Variants in NTRK3 observed in about 807,000 individuals in gnomAD.
The protein encoded by NTRK3 is neurotrophic receptor tyrosine kinase 3, also known as NT-3 growth factor receptor.
In NTRK3, 24 loss-of-function variants were observed where a neutral mutation model predicts 91.7. The ratio of observed to expected loss-of-function variants is 0.26; its 90% confidence interval spans 0.19 to 0.37. NTRK3 has a LOEUF of 0.37. Among genes scored for constraint, NTRK3 ranks in the 10% least tolerant of loss-of-function variants. NTRK3 has a pLI of 1.00. For synonymous variants in NTRK3, 483 were observed against 404.0 expected, an observed-to-expected ratio of 1.20 and a Z score of -2.34; for missense variants, 880 against 1,068.9, an observed-to-expected ratio of 0.82 and a Z score of 2.46.
At chr15:88,135,110 G>A in exon 10 of NTRK3, 1 of 1,614,232 alleles carries the variant, frequency 6.2e-7, no homozygotes, top group Non-Finnish European at 8.5e-7. Context: ...CCTGGAAAGG[G>A]CTCCTTGAGG....
intron 13 of NTRK3, among the ~76,000 whole-genome samples, chr15:88,048,753 A>G (rs2080496253): frequency 1.3e-5 from 2 of 152,224 alleles, no homozygotes; most frequent in Admixed American, 6.5e-5. Context: ...GGATTATTAA[A>G]ATGAAAATCA....
intron 13 of NTRK3, among the ~76,000 whole-genome samples, chr15:88,106,862 G>A (rs533278276): frequency 6.6e-6 from 1 of 151,900 alleles, no homozygotes; most frequent in Non-Finnish European, 1.5e-5. Flanking sequence ...GAACCTGGGA[G>A]GTGGAGGTTG....
intron 3 of NTRK3, among the ~76,000 whole-genome samples, chr15:88,247,120 C>G (rs986671457): frequency 6.6e-6 from 1 of 152,224 alleles, no homozygotes; most frequent in African/African-American, 2.4e-5. Flanking sequence ...CCAAGACTCC[C>G]CCAGATACAC....
chr15:88,027,234 T>G (rs1264499948), intron 14 of NTRK3, among the ~76,000 whole-genome samples: 1 of 152,132 alleles, frequency 6.6e-6, no homozygotes, highest in East Asian at 1.9e-4. Flanking sequence ...TCTCAGTTTC[T>G]TTAGCTATAA....
intron 13 of NTRK3, among the ~76,000 whole-genome samples, chr15:88,121,635 C>G (rs1046178302): frequency 6.6e-6 from 1 of 152,146 alleles, no homozygotes; most frequent in Non-Finnish European, 1.5e-5. Context: ...ATAGCCCATG[C>G]CCTGAACCCC....
intron 13 of NTRK3, among the ~76,000 whole-genome samples, chr15:88,120,602 G>A (rs1188776750): frequency 6.6e-6 from 1 of 152,092 alleles, no homozygotes; most frequent in Non-Finnish European, 1.5e-5. Flanking sequence ...AATGAAGGAA[G>A]TTCTTGGAGC....
chr15:87,919,083 G>A (rs531056600), intron 17 of NTRK3, among the ~76,000 whole-genome samples: 2 of 149,674 alleles, frequency 1.3e-5, no homozygotes, highest in African/African-American at 2.5e-5. Context: ...TGCTATTGGT[G>A]TGGCCAGTAC....
At chr15:88,249,566 T>C (rs1366321279) in intron 3 of NTRK3, among the ~76,000 whole-genome samples, 1 of 152,000 alleles carries the variant, frequency 6.6e-6, no homozygotes, top group Non-Finnish European at 1.5e-5. Flanking sequence ...ATGGGTGACA[T>C]GAGGGAGAAG....
chr15:87,928,685 T>C (rs1174113755), intron 17 of NTRK3: 1 of 203,726 alleles, frequency 4.9e-6, no homozygotes, highest in East Asian at 1.2e-4. Context: ...ATATTAGCCA[T>C]CTTTGTTACT....
At chr15:88,088,142 G>A (rs2048677008) in intron 13 of NTRK3, among the ~76,000 whole-genome samples, 1 of 152,164 alleles carries the variant, frequency 6.6e-6, no homozygotes, top group Admixed American at 6.5e-5. Flanking sequence ...CAAGCTGTGA[G>A]ATCTTGAATA....
At chr15:88,147,874 T>G (rs1223788758) in intron 5 of NTRK3, among the ~76,000 whole-genome samples, 17 of 152,150 alleles carry the variant, frequency 1.1e-4, no homozygotes, top group Admixed American at 1.1e-3. Flanking sequence ...CCACCAATGA[T>G]CAAGACATCA....
intron 14 of NTRK3, among the ~76,000 whole-genome samples, chr15:88,004,967 G>T (rs570802672): frequency 2.0e-5 from 3 of 152,254 alleles, no homozygotes; most frequent in Admixed American, 2.0e-4. Context: ...TAGCAAAGTG[G>T]TATTTATTAT....
chr15:87,922,539 C>T (rs2067962190), intron 17 of NTRK3, among the ~76,000 whole-genome samples: 1 of 152,146 alleles, frequency 6.6e-6, no homozygotes. Flanking sequence ...TTAGGATCCT[C>T]TTAAAAGCCC....
At chr15:88,190,526 C>T (rs959480930) in intron 3 of NTRK3, among the ~76,000 whole-genome samples, 17 of 152,316 alleles carry the variant, frequency 1.1e-4, no homozygotes, top group African/African-American at 3.4e-4. Context: ...CCTATTCCAA[C>T]GGTTATCGCA....
rs184863833 is a variant in NTRK3 at position 88,034,574 on chromosome 15, T to C, written c.1397-1529A>G. 2.0e-4 allele frequency among the ~76,000 whole-genome samples: 30 copies of C among 152,356 alleles called. No individual in the cohort carries two copies. The East Asian group carries it at 5.6e-3, about 28-fold the overall frequency. ...ACACACAGGCCCCAGACAAAGTGCC[T>C]GCTGTGATTTGGTTTTGCAGCTTGA... is the stretch of plus-strand genomic sequence containing the variant. On this transcript the variant is annotated intron_variant, in intron 13 of 18. Transcript: ENST00000394480.
intron 5 of NTRK3, among the ~76,000 whole-genome samples, chr15:88,161,271 G>A (rs1379239873): frequency 6.6e-6 from 1 of 152,208 alleles, no homozygotes; most frequent in Non-Finnish European, 1.5e-5. Context: ...TACAGAGCAA[G>A]TGAGTTAGAC....
intron 13 of NTRK3, among the ~76,000 whole-genome samples, chr15:88,125,853 T>C (rs1474746039): frequency 6.6e-6 from 1 of 152,190 alleles, no homozygotes; most frequent in Non-Finnish European, 1.5e-5. Flanking sequence ...CTACCCTACA[T>C]CTTGCTGTGC....
chr15:88,158,064 G>T (rs772605298), intron 5 of NTRK3, among the ~76,000 whole-genome samples: 1 of 152,176 alleles, frequency 6.6e-6, no homozygotes, highest in Non-Finnish European at 1.5e-5. Context: ...GTGACTCTGC[G>T]TGAGTTACTT....
chr15:88,212,700 TCACACACACACACACACACACACACA>T (rs60620542), intron 3 of NTRK3, among the ~76,000 whole-genome samples: 110,228 of 146,284 alleles, frequency 0.75, 43,073 homozygotes, highest in East Asian at 0.87. Flanking sequence ...GGCTGCTGCA[TCACACACACACACACACACACACACA>T]CACACACACA....
Sources: allele counts gnomAD v4.1 joint callset (sites outside exome capture counted in the v4.1 genomes callset), GRCh38; gene constraint gnomAD v4.1.1; transcripts MANE v1.5; gene names NCBI Gene and HGNC (gene_info 2026-07-23, HGNC 2026-07-21).